NOTCH1: variants seen among roughly 807,000 people sequenced by gnomAD.
NOTCH1 encodes the protein neurogenic locus notch homolog protein 1.
In NOTCH1, 37 loss-of-function variants were observed where a neutral mutation model predicts 254.8. The ratio of observed to expected loss-of-function variants is 0.15; its 90% confidence interval spans 0.11 to 0.19. The LOEUF (loss-of-function observed/expected upper bound fraction) is 0.19. NOTCH1 is among the 10% of genes least tolerant of loss of function. The pLI is 1.00. For missense variants in NOTCH1, 2,972 were observed against 3,708.6 expected (o/e 0.80, Z 5.16); for synonymous variants, 1,731 against 1,618.1 (o/e 1.07, Z -1.68).
chr9:136,515,161 G>A (rs1589065866), intron 12 of NOTCH1, 129 bp downstream of exon 12: 15 of 826,816 alleles, frequency 1.8e-5, no homozygotes, highest in Middle Eastern at 2.5e-4. Context: ...AATCTCTGCT[G>A]CAGACCACGG....
chr9:136,500,646 A>T lies in NOTCH1; in HGVS notation c.5840T>A (p.Leu1947Gln). 1 of 1,611,954 alleles carries T rather than the reference A, an allele frequency of 6.2e-7. No individual in the cohort carries two copies. The highest frequency in any genetic ancestry group is 8.5e-7 in the Non-Finnish European group (1 of 1,179,876). The change falls in exon 31 of 34, where the codon CTG (leucine) becomes CAG (glutamine). Residue 1947 changes from leucine (L) to glutamine (Q), a missense_variant. This residue lies in a region of NOTCH1 where 421 missense variants were observed against 604.4 expected (regional missense o/e 0.70). Transcript: ENST00000651671. ...GTTGGCATCTGCGCTGGCCTCCAGC[A>T]GGCGCTTGGCGGCATCAGAGCGTGA... ...RYSRSDAAKRLLEASADANIQ... is the reference protein window; with the variant it reads ...RYSRSDAAKRQLEASADANIQ...
intron 17 of NOTCH1, among the ~76,000 whole-genome samples, 172 bp from the exon 18 acceptor site, chr9:136,510,133 G>A (rs1465505947): frequency 6.6e-6 from 1 of 152,208 alleles, no homozygotes; most frequent in African/African-American, 2.4e-5. Context: ...CACAGGCTGC[G>A]TCACACCCGT....
chr9:136,538,730 T>G (rs995181121), intron 2 of NOTCH1, among the ~76,000 whole-genome samples: 3 of 152,238 alleles, frequency 2.0e-5, no homozygotes, highest in Non-Finnish European at 2.9e-5. Flanking sequence ...TTCCCACCTG[T>G]GCGCTGGGGA....
At chr9:136,515,885 G>T in intron 10 of NOTCH1, 96 bp downstream of exon 10, 1 of 1,193,508 alleles carries the variant, frequency 8.4e-7, no homozygotes, top group Non-Finnish European at 1.2e-6. Flanking sequence ...GGACCAGGTG[G>T]CCCAGACCAA....
At position 136,514,766 on chromosome 9, in the gene NOTCH1, C is replaced by T. The variant is rs186678063; in HGVS notation, c.2015-64G>A. On this transcript the variant is annotated intron_variant, in intron 12 of 33. Transcript: ENST00000651671. Reference sequence around the variant, plus strand: ...CAGGGGGTCCCACCCACGTCAACCTCGATTTCCCTGTCTGTTGAGCCGGGG... The same window carrying T: ...CAGGGGGTCCCACCCACGTCAACCTTGATTTCCCTGTCTGTTGAGCCGGGG... 2.3e-5 allele frequency: 34 copies of T among 1,509,082 alleles called. No individual in the cohort carries two copies. In the East Asian group the frequency reaches 2.8e-4, roughly 12 times the overall value. 93.5% of individuals were successfully genotyped at this position (1,509,082 alleles called of 1,614,324 possible). A position where few individuals can be genotyped will look rare whatever the true frequency, so the allele number is the denominator to read the frequency against.
chr9:136,517,242 C>T (rs373305123), intron 9 of NOTCH1, 30 bp downstream of exon 9: 1 of 1,460,634 alleles, frequency 6.8e-7, no homozygotes, highest in Non-Finnish European at 9.4e-7. Flanking sequence ...TGCAGACGAC[C>T]CGGGGGCAGG....
At chr9:136,497,630 C>G (rs1842939143) in intron 33 of NOTCH1, 72 bp from the exon 34 acceptor site, 2 of 1,364,622 alleles carry the variant, frequency 1.5e-6, no homozygotes, top group Non-Finnish European at 9.9e-7. Context: ...GGTTCCATCA[C>G]CAGAGGAAGC....
Position 136,500,665 on chromosome 9 carries a change from A to C in NOTCH1, c.5821T>G (p.Ser1941Ala), listed in dbSNP as rs757053542. 6.2e-7 allele frequency: 1 copy of C among 1,611,686 alleles called. No individual in the cohort carries two copies. The highest frequency in any genetic ancestry group is 8.5e-7 in the Non-Finnish European group (1 of 1,179,890). ...TCCAGCAGGCGCTTGGCGGCATCAG[A>C]GCGTGAGTAGCGGGCGGCCAGGTGC... ...ALHLAARYSR[S>A]DAAKRLLEAS... Residue 1941 changes from serine to alanine, a missense_variant, in exon 31 of 34, where the codon TCT becomes GCT. Physicochemically the swap from Ser to Ala is moderately conservative, Grantham distance 99 (BLOSUM62 1). Coordinates refer to ENST00000651671, the MANE Select transcript of NOTCH1 (RefSeq NM_017617.5).
chr9:136,502,869 TC>T, intron 27 of NOTCH1: 1 of 596,478 alleles, frequency 1.7e-6, no homozygotes. Flanking sequence ...TCTTTTTTTT[TC>T]TTTAAAAAAA....
rs771399165 is a variant in NOTCH1 at position 136,502,282 on chromosome 9, C to T, written c.5374G>A (p.Val1792Met). The change falls in exon 28 of 34, where the codon GTG becomes ATG. Residue 1792 changes from valine (V) to methionine (M), a missense_variant. Around this residue, in one of 8 missense-constraint regions of NOTCH1, gnomAD observed 421 missense variants for 604.4 expected, o/e 0.70. Transcript: ENST00000651671. ...GCGGCGTCCGCTCACTTGAGGCCCA[C>T]GGAGTCCTCGCCGAGGGGCTCCCGC... ...KRREPLGEDSVGLKPLKNASD... is the reference protein window; with the variant it reads ...KRREPLGEDSMGLKPLKNASD... 12 of 1,611,796 alleles carry T rather than the reference C, an allele frequency of 7.4e-6. No individual in the cohort carries two copies. Among genetic ancestry groups the T allele is most frequent in the South Asian group, 3.3e-5 (3 of 91,036 alleles).
At chr9:136,539,523 G>A (rs1202476184) in intron 2 of NOTCH1, among the ~76,000 whole-genome samples, 3 of 152,156 alleles carry the variant, frequency 2.0e-5, no homozygotes, top group Admixed American at 6.5e-5. Context: ...CAAGTAGCTG[G>A]GATTACAGGC....
At chr9:136,507,044 C>A in intron 22 of NOTCH1, 71 bp from the exon 23 acceptor site, 1 of 1,566,118 alleles carries the variant, frequency 6.4e-7, no homozygotes, top group East Asian at 2.4e-5. Flanking sequence ...GTGTCCGTCC[C>A]GGAAGACGAG....
In NOTCH1 at chr9:136,504,825, G is replaced by A. The variant is rs772314400; in HGVS notation, c.4866C>T (p.Arg1622=). ...GQQMIFPYYG[R]EEELRKHPIK... is the part of the protein sequence containing the mutation. The stretch of plus-strand genomic sequence containing the variant: ...TGGGGTGCTTGCGCAGCTCCTCCTC[G>A]CGGCCGTAGTAGGGGAAGATCATCT... Residue 1622 remains arginine, a synonymous_variant, in exon 26 of 34, where the codon CGC becomes CGT. Transcript: ENST00000651671. 63 of 1,572,708 alleles carry A rather than the reference G, an allele frequency of 4.0e-5. No individual in the cohort carries two copies. The African/African-American group carries it at 4.6e-4, about 11-fold the overall frequency.
rs761156723 is a variant in NOTCH1, at chr9:136,496,097, C to T, written c.7642G>A (p.Ala2548Thr). 13 of 1,607,066 alleles carry T rather than the reference C, an allele frequency of 8.1e-6. No individual in the cohort carries two copies. The Admixed American group carries it at 8.4e-5, about 10-fold the overall frequency. Residue 2548 changes from alanine to threonine, a missense_variant, in exon 34 of 34, where the codon GCC becomes ACC. Ala to Thr is a moderately conservative substitution (Grantham distance 58). Coordinates refer to ENST00000651671, the MANE Select transcript of NOTCH1 (RefSeq NM_017617.5). ...TACTTGAAGGCCTCCGGAATGCGGG[C>T]GATCTGGGACTGCATGCTGGTGGGA... is the stretch of plus-strand genomic sequence containing the variant. ...SPPTSMQSQI[A>T]RIPEAFK is the part of the protein sequence containing the mutation.
Position 136,523,866 on chromosome 9 carries a change from T to C in NOTCH1, c.254A>G (p.Tyr85Cys). 1 of 1,611,208 alleles carries C rather than the reference T, an allele frequency of 6.2e-7. No individual in the cohort carries two copies. The highest frequency in any genetic ancestry group is 8.5e-7 in the Non-Finnish European group (1 of 1,179,412). ...HVVDRRGVAD[Y>C]ACSCALGFSG... ...GAAGCCCAGGGCACAGCTGCAGGCA[T>C]AGTCTGCCACGCCTCTGCGGTCCAC... Residue 85 changes from tyrosine to cysteine, a missense_variant, in exon 3 of 34, where the codon TAT becomes TGT. Transcript: ENST00000651671.
intron 31 of NOTCH1, among the ~76,000 whole-genome samples, chr9:136,499,864 T>C (rs1342717329): frequency 6.6e-6 from 1 of 152,214 alleles, no homozygotes; most frequent in Admixed American, 6.5e-5. Context: ...CCTTCCACGC[T>C]CTTTCTGCTC....
chr9:136,515,759 C>G (rs913865159), intron 10 of NOTCH1, 43 bp from the exon 11 acceptor site: 1 of 1,508,510 alleles, frequency 6.6e-7, no homozygotes. Flanking sequence ...TTAGGACTGG[C>G]GGCCCCCGGG....
At chr9:136,531,037 A>C (rs1180368647) in intron 2 of NOTCH1, among the ~76,000 whole-genome samples, 1 of 152,178 alleles carries the variant, frequency 6.6e-6, no homozygotes, top group Admixed American at 6.5e-5. Flanking sequence ...TCTCCTCTGG[A>C]GTGAGCCCCA....
At chr9:136,512,686 A>G (rs981399464) in intron 15 of NOTCH1, among the ~76,000 whole-genome samples, 1 of 152,208 alleles carries the variant, frequency 6.6e-6, no homozygotes, top group Non-Finnish European at 1.5e-5. Context: ...ATTCACCTGC[A>G]TCTTACCTGT....
Sources: gnomAD v4.1 joint callset for allele counts (sites outside exome capture counted in the v4.1 genomes callset) on GRCh38, gnomAD v4.1.1 for gene constraint, gnomAD v4.1.1 regional missense constraint, MANE v1.5 for transcripts, NCBI Gene and HGNC (gene_info 2026-07-23, HGNC 2026-07-21) for gene names.